Variants in SH3RF3 observed in about 807,000 individuals in gnomAD.
SH3RF3 encodes the protein E3 ubiquitin-protein ligase SH3RF3.
SH3RF3 carries 29 observed loss-of-function variants against 66.3 expected under a neutral mutation model. The ratio of observed to expected loss-of-function variants is 0.44; its 90% CI spans 0.33 to 0.60. The LOEUF is 0.60. Ranked by LOEUF, SH3RF3 falls within the 20% of genes least tolerant of loss-of-function variation. SH3RF3 has a pLI of 0.04. For synonymous variants in SH3RF3, 583 were observed against 532.0 expected, an observed-to-expected ratio of 1.10 and a Z score of -1.32; for missense variants, 1,194 against 1,190.9, an observed-to-expected ratio of 1.00 and a Z score of -0.04.
intron 3 of SH3RF3, among the ~76,000 whole-genome samples, chr2:109,395,467 G>A (rs1367865142): frequency 6.6e-6 from 1 of 152,176 alleles, no homozygotes; most frequent in Non-Finnish European, 1.5e-5. Context: ...GGATGCTGAA[G>A]CTTTGGATGA....
rs772982157 is a variant in SH3RF3, at chr2:109,398,954, G to A, written c.1299+11G>A. The A allele has an allele frequency of 6.2e-6, 10 of 1,602,676 alleles. No homozygotes were observed. The Admixed American group carries it at 8.4e-5, about 13-fold the overall frequency. On this transcript the variant is annotated intron_variant, in intron 4 of 9. Coordinates refer to ENST00000309415, the MANE Select transcript of SH3RF3 (RefSeq NM_001099289.3). The stretch of plus-strand genomic sequence containing the variant: ...GCTGCTCCCACCCAGGTAACATCCC[G>A]CGGGCCAGGGCAGGCATCCCTGGGT...
chr2:109,320,606 A>ACT (rs952154006), intron 1 of SH3RF3, among the ~76,000 whole-genome samples: 4 of 152,238 alleles, frequency 2.6e-5, no homozygotes, highest in African/African-American at 9.6e-5. Context: ...CCCTCTGCTT[A>ACT]CTAGGTCACC....
chr2:109,339,717 A>C (rs1043396148), intron 1 of SH3RF3, among the ~76,000 whole-genome samples: 3 of 152,192 alleles, frequency 2.0e-5, no homozygotes, highest in African/African-American at 4.8e-5. Context: ...CCATTATCAG[A>C]ACATGCCTGG....
intron 2 of SH3RF3, among the ~76,000 whole-genome samples, chr2:109,356,367 G>C (rs1682944335): frequency 6.6e-6 from 1 of 152,174 alleles, no homozygotes; most frequent in South Asian, 2.1e-4. Context: ...CCACACTGCA[G>C]CTAGGTCTAT....
At chr2:109,365,110 G>A (rs1046366840) in intron 2 of SH3RF3, among the ~76,000 whole-genome samples, 4 of 152,132 alleles carry the variant, frequency 2.6e-5, no homozygotes, top group African/African-American at 9.7e-5. Flanking sequence ...TGGTTAACTA[G>A]TTTATCCTGT....
rs1312447181 is a variant in SH3RF3, at chr2:109,129,962, C to T, written c.422C>T (p.Pro141Leu). ...PGGSPPARPI[P>L]GQSAAPTLAG... ...GGCAGCCCGCCCGCGCGTCCCATCC[C>T]AGGCCAGAGTGCGGCCCCCACGCTC... The change falls in exon 1 of 10, where the codon CCA becomes CTA. Residue 141 changes from proline to leucine, a missense_variant. Physicochemically the swap from Pro to Leu is moderately conservative, Grantham distance 98. Transcript: ENST00000309415. 1.4e-6 allele frequency: 2 copies of T among 1,425,544 alleles called. No individual in the cohort carries two copies. Among genetic ancestry groups the T allele is most frequent in the African/African-American group, 1.5e-5 (1 of 66,636 alleles). 88.3% of individuals were successfully genotyped at this position (1,425,544 alleles called of 1,614,324 possible). A position where few individuals can be genotyped will look rare whatever the true frequency, so the allele number is the denominator to read the frequency against.
At chr2:109,199,844 G>C in intron 1 of SH3RF3, among the ~76,000 whole-genome samples, 3 of 52,368 alleles carry the variant, frequency 5.7e-5, no homozygotes, top group Non-Finnish European at 9.0e-5. Flanking sequence ...GAATGGAATG[G>C]AATGGAAATA....
At chr2:109,218,621 A>T (rs892845205) in intron 1 of SH3RF3, among the ~76,000 whole-genome samples, 1 of 152,204 alleles carries the variant, frequency 6.6e-6, no homozygotes, top group Admixed American at 6.5e-5. Context: ...CCAAAAAGCA[A>T]CACAGAAATG....
intron 4 of SH3RF3, among the ~76,000 whole-genome samples, chr2:109,400,678 A>G (rs946630333): frequency 8.4e-6 from 1 of 119,202 alleles, no homozygotes. Flanking sequence ...GCACACACAC[A>G]TTGGTGGATA....
chr2:109,305,215 C>T (rs1681563081), intron 1 of SH3RF3, among the ~76,000 whole-genome samples: 1 of 152,134 alleles, frequency 6.6e-6, no homozygotes, highest in Non-Finnish European at 1.5e-5. Flanking sequence ...ATATCTCTTT[C>T]TCAGCTGGTT....
At chr2:109,368,585 C>G (rs1158177619) in intron 2 of SH3RF3, among the ~76,000 whole-genome samples, 1 of 151,376 alleles carries the variant, frequency 6.6e-6, no homozygotes, top group Non-Finnish European at 1.5e-5. Context: ...TCTAATTTTT[C>G]TAGGTAGAAA....
chr2:109,466,232 G>A (rs1000789680), intron 8 of SH3RF3, among the ~76,000 whole-genome samples: 1 of 151,962 alleles, frequency 6.6e-6, no homozygotes, highest in Admixed American at 6.6e-5. Flanking sequence ...ACAGGCGCGT[G>A]CCACCACACC....
chr2:109,392,982 C>T (rs910095805), intron 3 of SH3RF3, among the ~76,000 whole-genome samples: 1 of 152,218 alleles, frequency 6.6e-6, no homozygotes, highest in Admixed American at 6.5e-5. Flanking sequence ...TCCACCGCCC[C>T]TGCTTAGTCT....
chr2:109,283,950 C>G (rs1281990366), intron 1 of SH3RF3, among the ~76,000 whole-genome samples: 3 of 152,188 alleles, frequency 2.0e-5, no homozygotes, highest in Non-Finnish European at 4.4e-5. Flanking sequence ...CGTGTTTCCG[C>G]CTCCCTCCTG....
In SH3RF3 at chr2:109,502,779, T is replaced by C. The variant is rs1269068996; in HGVS notation, c.*1108T>C. ...CAGCCGGGAAGGCAAAATCTTCCCTTTATTGCCTCAGAGAGAACTGCAATT... is the reference window on the plus strand; with the variant it reads ...CAGCCGGGAAGGCAAAATCTTCCCTCTATTGCCTCAGAGAGAACTGCAATT... On this transcript the variant is annotated 3_prime_UTR_variant, in exon 10 of 10. Coordinates refer to ENST00000309415, the MANE Select transcript of SH3RF3 (RefSeq NM_001099289.3). The C allele has an allele frequency of 1.3e-5, 2 of 152,234 alleles. No homozygotes were observed. The highest frequency in any genetic ancestry group is 4.8e-5 in the African/African-American group (2 of 41,466). 9.4% of individuals were successfully genotyped at this position (152,234 alleles called of 1,614,324 possible). A position where few individuals can be genotyped will look rare whatever the true frequency, so the allele number is the denominator to read the frequency against.
chr2:109,147,349 C>G (rs1677123242), intron 1 of SH3RF3, among the ~76,000 whole-genome samples: 1 of 152,194 alleles, frequency 6.6e-6, no homozygotes, highest in Non-Finnish European at 1.5e-5. Flanking sequence ...ACGAGACTAT[C>G]TCTGCGCTGA....
At chr2:109,336,224 C>G (rs767578283) in intron 1 of SH3RF3, among the ~76,000 whole-genome samples, 2 of 152,200 alleles carry the variant, frequency 1.3e-5, no homozygotes, top group Non-Finnish European at 2.9e-5. Context: ...GAAGGATTCT[C>G]CCTCACTGGG....
chr2:109,373,395 C>G (rs1235231510), intron 3 of SH3RF3, among the ~76,000 whole-genome samples: 2 of 152,216 alleles, frequency 1.3e-5, no homozygotes, highest in Non-Finnish European at 2.9e-5. Context: ...CCCTAAACAG[C>G]ATACCACTCA....
chr2:109,459,110 G>A (rs538630875), intron 8 of SH3RF3, among the ~76,000 whole-genome samples: 8 of 152,110 alleles, frequency 5.3e-5, no homozygotes, highest in East Asian at 3.9e-4. Flanking sequence ...GTGGTGCTTC[G>A]TCTTCTTCTT....
Sources: allele counts gnomAD v4.1 joint callset (sites outside exome capture counted in the v4.1 genomes callset), GRCh38; gene constraint gnomAD v4.1.1; transcripts MANE v1.5; gene names NCBI Gene and HGNC (gene_info 2026-07-23, HGNC 2026-07-21).